Variants in MYCBP2 observed in about 807,000 individuals in gnomAD.
MYCBP2 encodes MYC binding protein 2, also known as E3 ubiquitin-protein ligase MYCBP2.
A neutral mutation model predicts 525.3 loss-of-function variants in MYCBP2; 120 were observed. The observed-to-expected ratio is 0.23, with a 90% CI of 0.20 to 0.27. The LOEUF is 0.27. Ranked by LOEUF, MYCBP2 falls within the 10% of genes least tolerant of loss-of-function variation. The pLI is 1.00. For synonymous variants in MYCBP2, 1,894 were observed against 1,955.8 expected (o/e 0.97, Z 0.83); for missense variants, 4,149 against 5,657.1 (o/e 0.73, Z 8.55).
At position 77,088,943 on chromosome 13, in the gene MYCBP2, A is replaced by G; in HGVS notation, c.10614T>C (p.Asn3538=). The G allele has an allele frequency of 1.2e-6, 2 of 1,613,590 alleles. No homozygotes were observed. Among genetic ancestry groups the G allele is most frequent in the Non-Finnish European group, 1.7e-6 (2 of 1,179,642 alleles). Residue 3538 remains asparagine (N), a synonymous_variant, in exon 61 of 83, where the codon AAT becomes AAC. Transcript: ENST00000544440. ...CAAAAGCTAAAACTGGCCACTGGAA[A>G]TTTCGTTCTCCTTTAGAAAGAGAGC... ...AHSSLSKGER[N]FQWPVLAFVI... is the part of the protein sequence containing the mutation.
chr13:77,080,310 T>TTTC (rs2043080485), intron 65 of MYCBP2, among the ~76,000 whole-genome samples: 1 of 152,170 alleles, frequency 6.6e-6, no homozygotes, highest in African/African-American at 2.4e-5. Context: ...ACTGTGGCTC[T>TTTC]TCCTGAGAAA....
intron 15 of MYCBP2, among the ~76,000 whole-genome samples, chr13:77,249,811 G>A (rs551746953): frequency 2.5e-4 from 38 of 152,266 alleles, no homozygotes; most frequent in African/African-American, 8.7e-4. Flanking sequence ...TAAAAATAAA[G>A]AAGTTAGGTG....
intron 1 of MYCBP2, among the ~76,000 whole-genome samples, chr13:77,312,549 T>C (rs986725266): frequency 3.3e-5 from 5 of 151,904 alleles, no homozygotes; most frequent in East Asian, 1.9e-4. Context: ...AAGTTAGGTA[T>C]GCATACTGTA....
At position 77,211,989 on chromosome 13, in the gene MYCBP2, T is replaced by C. The variant is rs1249661235; in HGVS notation, c.3229A>G (p.Thr1077Ala). The C allele has an allele frequency of 8.1e-6, 13 of 1,613,950 alleles. No individual in the cohort carries two copies. Among genetic ancestry groups the C allele is most frequent in the Non-Finnish European group, 1.0e-5 (12 of 1,179,946 alleles). The part of the protein sequence containing the change: ...EALINSHVLA[T>A]SEIFASKHII... ...TGTTTACTGGCAAAAATTTCTGATG[T>C]AGCAAGTACATGAGAATTAATAAGT... The change falls in exon 22 of 83, where the codon ACA becomes GCA. Residue 1077 changes from threonine (T) to alanine (A), a missense_variant. By Grantham distance (58) the Thr-to-Ala change is moderately conservative (BLOSUM62 0). Transcript: ENST00000544440.
At chr13:77,065,305 GA>G (rs1566351295) in intron 72 of MYCBP2, among the ~76,000 whole-genome samples, 1 of 152,158 alleles carries the variant, frequency 6.6e-6, no homozygotes, top group Non-Finnish European at 1.5e-5. Flanking sequence ...ACGCTGTTGG[GA>G]AAAGTGATAG....
At chr13:77,274,679 T>C (rs2075309054) in intron 4 of MYCBP2, among the ~76,000 whole-genome samples, 1 of 152,150 alleles carries the variant, frequency 6.6e-6, no homozygotes, top group Admixed American at 6.5e-5. Context: ...ACTCCACTTT[T>C]CCCTATCTCA....
intron 55 of MYCBP2, among the ~76,000 whole-genome samples, chr13:77,119,576 C>A (rs900004369): frequency 2.0e-5 from 3 of 152,028 alleles, no homozygotes; most frequent in African/African-American, 7.2e-5. Context: ...GCTCTTCGAT[C>A]TTGGACAGTA....
Position 77,161,918 on chromosome 13 carries a change from C to T in MYCBP2, c.6585G>A (p.Glu2195=). The change falls in exon 44 of 83, where the codon GAG becomes GAA. Residue 2195 remains glutamate (E), a synonymous_variant. Coordinates refer to ENST00000544440, the MANE Select transcript of MYCBP2 (RefSeq NM_015057.5). The part of the protein sequence containing the change: ...ELEEDLEILE[E]AALQVCKTHS... ...TTTGGGACAATACCTGCAATGCAGCCTCCTCAAGAATTTCAAGGTCTTCTT... is the reference window on the plus strand; with the variant it reads ...TTTGGGACAATACCTGCAATGCAGCTTCCTCAAGAATTTCAAGGTCTTCTT... 1.9e-6 allele frequency: 3 copies of T among 1,608,492 alleles called. No homozygotes were observed.
chr13:77,270,104 A>C, intron 6 of MYCBP2, 41 bp from the exon 7 acceptor site: 2 of 1,536,668 alleles, frequency 1.3e-6, no homozygotes, highest in Non-Finnish European at 1.8e-6. Flanking sequence ...TGGTTTCATA[A>C]TTAATAATCA....
chr13:77,181,826 A>G lies in MYCBP2; in HGVS notation c.4816T>C (p.Phe1606Leu). ...ACTTCTCCATCATACGCAATCGGGA[A>G]GATGGAAGTCAGCTTAACAGACGTG... ...CHTSVKLTSI[F>L]PIAYDGEVLL... Residue 1606 changes from phenylalanine to leucine, a missense_variant, in exon 33 of 83, where the codon TTC becomes CTC. Physicochemically the swap from Phe to Leu is conservative, Grantham distance 22. Coordinates refer to ENST00000544440, the MANE Select transcript of MYCBP2 (RefSeq NM_015057.5). 2 of 1,614,130 alleles carry G rather than the reference A, an allele frequency of 1.2e-6. No homozygotes were observed. The highest frequency in any genetic ancestry group is 1.7e-6 in the Non-Finnish European group (2 of 1,180,000).
In MYCBP2 at chr13:77,288,221, A is replaced by G. The variant is rs1594685283; in HGVS notation, c.534T>C (p.Ser178=). ...CTTCTTCATCACTATCTGATTCTCC[A>G]CTCTGCACAGAGTTCTTAGATGCGG... ...LAAASKNSVQ[S]GESDSDEEEE... The change falls in exon 3 of 83, where the codon AGT becomes AGC. Residue 178 remains serine (S), a synonymous_variant. Coordinates refer to ENST00000544440, the MANE Select transcript of MYCBP2 (RefSeq NM_015057.5). The G allele has an allele frequency of 1.2e-6, 2 of 1,614,030 alleles. No individual in the cohort carries two copies. Among genetic ancestry groups the G allele is most frequent in the Non-Finnish European group, 1.7e-6 (2 of 1,180,008 alleles).
At chr13:77,189,399 A>G (rs576132986) in intron 29 of MYCBP2, among the ~76,000 whole-genome samples, 1 of 152,320 alleles carries the variant, frequency 6.6e-6, no homozygotes, top group Admixed American at 6.5e-5. Context: ...GGAGTAGTCC[A>G]ATGCAACACG....
intron 3 of MYCBP2, among the ~76,000 whole-genome samples, chr13:77,284,378 G>C (rs9574028): frequency 0.57 from 87,245 of 152,002 alleles, 28,397 homozygotes; most frequent in Non-Finnish European, 0.73. Flanking sequence ...GCACAGAGAA[G>C]GTCAAAGGGA....
chr13:77,132,343 T>C (rs998674095), intron 52 of MYCBP2, among the ~76,000 whole-genome samples: 7 of 152,152 alleles, frequency 4.6e-5, no homozygotes, highest in African/African-American at 7.2e-5. Flanking sequence ...AGGAATGAAA[T>C]TGGATTTAAA....
rs398023536 is a variant in MYCBP2, at chr13:77,326,240, G to GACACACACACAC, written c.302+222_302+233dup. ...CACTATCCCCCCACATAGGCAGGCA[G>GACACACACACAC]ACACACACACACACACACACACACA... On this transcript the variant is annotated intron_variant, in intron 1 of 82. Coordinates refer to ENST00000544440, the MANE Select transcript of MYCBP2 (RefSeq NM_015057.5). The surrounding 1 kb of genome is among the most constrained non-coding windows in gnomAD (Gnocchi z 4.2). Among the ~76,000 whole-genome samples the GACACACACACAC allele has an allele frequency of 7.1e-3, 910 of 127,852 alleles. 10 individuals carry two copies. The highest frequency in any genetic ancestry group is 0.018 in the African/African-American group (609 of 33,694). The allele number at this position is 127,852 out of a possible 152,430, so 83.9% of individuals were successfully genotyped here.
At chr13:77,099,133 C>G in intron 55 of MYCBP2, 120 bp from the exon 56 acceptor site, 1 of 1,263,346 alleles carries the variant, frequency 7.9e-7, no homozygotes, top group Non-Finnish European at 1.1e-6. Flanking sequence ...GTCATACATA[C>G]TAAAATACTT....
intron 17 of MYCBP2, 53 bp from the exon 18 acceptor site, chr13:77,233,316 T>C (rs1487417394): frequency 2.2e-5 from 28 of 1,277,904 alleles, no homozygotes; most frequent in Non-Finnish European, 3.2e-5. Context: ...ATGAAAACAC[T>C]ATAATGAACA....
chr13:77,268,473 A>G (rs73223432), intron 7 of MYCBP2, among the ~76,000 whole-genome samples: 7,875 of 152,264 alleles, frequency 0.052, 270 homozygotes, highest in East Asian at 0.11. Context: ...TGAGAAACTA[A>G]TTTGTTATCT....
chr13:77,236,802 G>A (rs910437325), intron 17 of MYCBP2, among the ~76,000 whole-genome samples: 3 of 152,098 alleles, frequency 2.0e-5, no homozygotes, highest in African/African-American at 7.2e-5. Context: ...GGAGGCTGAG[G>A]CAGGAGGGTC....
Sources: gnomAD v4.1 joint callset for allele counts (sites outside exome capture counted in the v4.1 genomes callset) on GRCh38, gnomAD v4.1.1 for gene constraint, Gnocchi (gnomAD v3.1) non-coding constraint, MANE v1.5 for transcripts, NCBI Gene and HGNC (gene_info 2026-07-23, HGNC 2026-07-21) for gene names.